PTPA: variants seen among roughly 807,000 people sequenced by gnomAD.
PTPA encodes protein phosphatase 2 phosphatase activator, also known as serine/threonine-protein phosphatase 2A activator.
A neutral mutation model predicts 43.6 loss-of-function variants in PTPA; 13 were observed. That is an observed-to-expected ratio of 0.30 (90% CI 0.19 to 0.47). The LOEUF is 0.47. PTPA is among the 20% of genes least tolerant of loss of function. PTPA has a pLI of 0.99. For synonymous variants in PTPA, 172 were observed against 158.2 expected, an observed-to-expected ratio of 1.09 and a Z score of -0.66; for missense variants, 329 against 411.9, an observed-to-expected ratio of 0.80 and a Z score of 1.74.
chr9:129,139,080 G>A (rs1850581846), intron 8 of PTPA, among the ~76,000 whole-genome samples: 1 of 152,334 alleles, frequency 6.6e-6, no homozygotes, highest in South Asian at 2.1e-4. Context: ...CTGAGTTCTT[G>A]GGTGTGGCTG....
intron 8 of PTPA, among the ~76,000 whole-genome samples, chr9:129,139,112 C>T (rs1291540940): frequency 1.3e-5 from 2 of 152,266 alleles, no homozygotes; most frequent in African/African-American, 4.8e-5. Context: ...TGTTTGGGCT[C>T]CCCCGGCGGC....
At chr9:129,140,171 A>G (rs1033665230) in intron 8 of PTPA, 4 of 152,568 alleles carry the variant, frequency 2.6e-5, no homozygotes, top group Non-Finnish European at 5.9e-5. Flanking sequence ...TTCCTGCTCA[A>G]TATGGCTGCT....
rs564314155 is a variant in PTPA at position 129,136,995 on chromosome 9, C to T, written c.685+400C>T. ...TCCACTGTTATTATCGAGCTGTGTGCAAAGGGGCCCGTTAGGGAGCAGCCG... is the reference window on the plus strand; with the variant it reads ...TCCACTGTTATTATCGAGCTGTGTGTAAAGGGGCCCGTTAGGGAGCAGCCG... On this transcript the variant is annotated intron_variant, in intron 7 of 9. Coordinates refer to ENST00000393370, the MANE Select transcript of PTPA (RefSeq NM_178000.3). 9.3e-4 allele frequency among the ~76,000 whole-genome samples: 142 copies of T among 152,330 alleles called. 1 individual carries two copies. The highest frequency in any genetic ancestry group is 3.2e-3 in the African/African-American group (131 of 41,582).
intron 3 of PTPA, among the ~76,000 whole-genome samples, chr9:129,127,529 C>T (rs1332624328): frequency 3.3e-5 from 5 of 152,228 alleles, no homozygotes; most frequent in Admixed American, 2.6e-4. Context: ...AGATAGCCTC[C>T]GCGTTGTATT....
chr9:129,120,730 G>A lies in PTPA; in HGVS notation c.129+120G>A, dbSNP rs1465449558. 3 of 793,700 alleles carry A rather than the reference G, an allele frequency of 3.8e-6. No homozygotes were observed. The African/African-American group carries it at 5.2e-5, about 14-fold the overall frequency. 49.2% of individuals were successfully genotyped at this position (793,700 alleles called of 1,614,324 possible). A position where few individuals can be genotyped will look rare whatever the true frequency, so the allele number is the denominator to read the frequency against. On this transcript the variant is annotated intron_variant, in intron 2 of 9. Transcript: ENST00000393370. ...TGGAGCCTGACTTTTCAGAAGCTAGGGAGAAAGGTGACAGGGGAGCTGGCT... is the reference window on the plus strand; with the variant it reads ...TGGAGCCTGACTTTTCAGAAGCTAGAGAGAAAGGTGACAGGGGAGCTGGCT...
chr9:129,138,974 GCTCT>G (rs1014126305), intron 8 of PTPA, among the ~76,000 whole-genome samples: 1 of 152,222 alleles, frequency 6.6e-6, no homozygotes, highest in Non-Finnish European at 1.5e-5. Context: ...GTCACGCGCT[GCTCT>G]CTGTGGAGTG....
intron 2 of PTPA, among the ~76,000 whole-genome samples, 174 bp downstream of exon 2, chr9:129,120,784 A>G (rs1849203599): frequency 6.6e-6 from 1 of 152,132 alleles, no homozygotes; most frequent in Non-Finnish European, 1.5e-5. Flanking sequence ...CAGTACTCAG[A>G]GATGCTTTAT....
At chr9:129,145,563 G>C (rs1364257794) in intron 9 of PTPA, among the ~76,000 whole-genome samples, 1 of 152,136 alleles carries the variant, frequency 6.6e-6, no homozygotes, top group Non-Finnish European at 1.5e-5. Flanking sequence ...TGGGTCTCCA[G>C]TCAGAACTGG....
rs548241751 is a variant in PTPA at position 129,123,876 on chromosome 9, T to A, written c.216+738T>A. On this transcript the variant is annotated intron_variant, in intron 3 of 9. Coordinates refer to ENST00000393370, the MANE Select transcript of PTPA (RefSeq NM_178000.3). ...TTTTTTATTTTTAGTAGAGACGGGG[T>A]TTCTCCATGTTGGTCAGGCTGGTCT... 7.2e-5 allele frequency among the ~76,000 whole-genome samples: 11 copies of A among 151,910 alleles called. 1 individual carries two copies. In the South Asian group the frequency reaches 2.3e-3, roughly 32 times the overall value.
chr9:129,129,218 C>A, intron 4 of PTPA, 108 bp downstream of exon 4: 1 of 1,421,608 alleles, frequency 7.0e-7, no homozygotes, highest in Non-Finnish European at 9.5e-7. Flanking sequence ...ATATACAAAT[C>A]TCAGTTTGTT....
At chr9:129,138,840 T>C (rs969997903) in intron 8 of PTPA, among the ~76,000 whole-genome samples, 7 of 152,122 alleles carry the variant, frequency 4.6e-5, no homozygotes, top group African/African-American at 1.7e-4. Context: ...AGTCAGCAAA[T>C]GGAGCCGGGA....
At chr9:129,115,030 C>G (rs1329954546) in intron 1 of PTPA, among the ~76,000 whole-genome samples, 1 of 152,174 alleles carries the variant, frequency 6.6e-6, no homozygotes, top group East Asian at 1.9e-4. Flanking sequence ...GACAGAGTCT[C>G]ACTCTGTCAC....
Position 129,137,736 on chromosome 9 carries a change from CT to C in PTPA, c.786+45del, listed in dbSNP as rs1205826685. On this transcript the variant is annotated intron_variant, in intron 8 of 9. Transcript: ENST00000393370. ...AGAGAAGCCCATGGCTGCCTCCAGGCTCAGATGAACCAAGGCTGGTGGCCTT... is the reference window on the plus strand; with the variant it reads ...AGAGAAGCCCATGGCTGCCTCCAGGCCAGATGAACCAAGGCTGGTGGCCTT... 3 of 1,489,882 alleles carry C rather than the reference CT, an allele frequency of 2.0e-6. No individual in the cohort carries two copies. The Admixed American group carries it at 5.8e-5, about 29-fold the overall frequency. The allele number at this position is 1,489,882 out of a possible 1,614,324, so 92.3% of individuals were successfully genotyped here. A position where few individuals can be genotyped will look rare whatever the true frequency, so the allele number is the denominator to read the frequency against.
At chr9:129,143,596 T>C (rs962422457) in intron 9 of PTPA, 11 of 626,048 alleles carry the variant, frequency 1.8e-5, no homozygotes, top group Non-Finnish European at 2.9e-5. Flanking sequence ...TCCCTGCACT[T>C]GGTCCTGAAG....
intron 9 of PTPA, chr9:129,143,358 C>T (rs1333078042): frequency 5.7e-6 from 4 of 702,938 alleles, no homozygotes; most frequent in Admixed American, 4.0e-5. Context: ...CTTAAAGTCC[C>T]TTCTTTCTGT....
chr9:129,118,478 A>G (rs1164147069), intron 1 of PTPA, among the ~76,000 whole-genome samples: 3 of 152,024 alleles, frequency 2.0e-5, no homozygotes, highest in Non-Finnish European at 2.9e-5. Flanking sequence ...GGTTCAAGCA[A>G]TTCTCCTTCC....
chr9:129,112,335 G>A (rs1005986397), intron 1 of PTPA, among the ~76,000 whole-genome samples: 17 of 152,190 alleles, frequency 1.1e-4, no homozygotes, highest in African/African-American at 4.1e-4. Context: ...TGTGCAGAAG[G>A]AGAAGGCTGT....
chr9:129,126,136 G>A (rs1258308306), intron 3 of PTPA, among the ~76,000 whole-genome samples: 1 of 151,820 alleles, frequency 6.6e-6, no homozygotes, highest in Non-Finnish European at 1.5e-5. Flanking sequence ...GCGACAGTGC[G>A]AGACTTCGTC....
At chr9:129,119,293 A>G (rs1849095482) in intron 1 of PTPA, among the ~76,000 whole-genome samples, 1 of 150,928 alleles carries the variant, frequency 6.6e-6, no homozygotes, top group African/African-American at 2.4e-5. Context: ...CACCACACCT[A>G]GCCAGATGTT....
Sources: gnomAD v4.1 joint callset for allele counts (sites outside exome capture counted in the v4.1 genomes callset) on GRCh38, gnomAD v4.1.1 for gene constraint, MANE v1.5 for transcripts, NCBI Gene and HGNC (gene_info 2026-07-23, HGNC 2026-07-21) for gene names.